The following ENY2 variants were observed in gnomAD, a reference collection of about 807,000 sequenced individuals.
The protein encoded by ENY2 is transcription and mRNA export factor ENY2.
In ENY2, 4 loss-of-function variants were observed where a neutral mutation model predicts 15.9. That is an observed-to-expected ratio of 0.25 (90% CI 0.12 to 0.57). The LOEUF (loss-of-function observed/expected upper bound fraction) is 0.57, where lower values mean the gene tolerates loss of function less well. Ranked by LOEUF, ENY2 falls within the 20% of genes least tolerant of loss-of-function variation. The pLI is 0.91. For synonymous variants in ENY2, 48 were observed against 38.0 expected (o/e 1.26, Z -0.97); for missense variants, 54 against 117.2 (o/e 0.46, Z 2.49).
intron 4 of ENY2, 29 bp downstream of exon 4, chr8:109,340,592 A>G (rs1397587118): frequency 6.2e-7 from 1 of 1,610,468 alleles, no homozygotes; most frequent in Non-Finnish European, 8.5e-7. Flanking sequence ...GTTAAAGGAA[A>G]CATGCTGCAG....
intron 4 of ENY2, 153 bp downstream of exon 4, chr8:109,340,716 A>C: frequency 2.4e-6 from 2 of 827,102 alleles, no homozygotes; most frequent in African/African-American, 1.7e-5. Flanking sequence ...GCCTCCTAGC[A>C]TAGTCTGGGA....
chr8:109,336,356 G>A, intron 2 of ENY2, 152 bp downstream of exon 2: 2 of 707,184 alleles, frequency 2.8e-6, no homozygotes, highest in South Asian at 4.0e-5. Flanking sequence ...AAATAATTTA[G>A]GTTTGTTAAG....
chr8:109,343,644 TAATA>T lies in ENY2; in HGVS notation c.*168_*171del. ...ATTTTTTTCCCTAAATGTGTTATTTTAATAAATATCTCATGAATGAGTTTGAAGT... is the reference window on the plus strand; with the variant it reads ...ATTTTTTTCCCTAAATGTGTTATTTTAATATCTCATGAATGAGTTTGAAGT... On this transcript the variant is annotated 3_prime_UTR_variant, in exon 5 of 5. Transcript: ENST00000521688. 1.9e-6 allele frequency: 1 copy of T among 535,832 alleles called. No homozygotes were observed. Among genetic ancestry groups the T allele is most frequent in the East Asian group, 3.2e-5 (1 of 30,880 alleles). 33.2% of individuals were successfully genotyped at this position (535,832 alleles called of 1,614,324 possible). A position where few individuals can be genotyped will look rare whatever the true frequency, so the allele number is the denominator to read the frequency against.
At chr8:109,336,439 G>A (rs1357192066) in intron 2 of ENY2, 4 of 422,294 alleles carry the variant, frequency 9.5e-6, no homozygotes, top group Admixed American at 4.0e-5. Flanking sequence ...GTAATTTGAT[G>A]GAGAAGAAAA....
At chr8:109,334,666 G>C (rs768984970) in intron 1 of ENY2, 192 bp downstream of exon 1, 13 of 611,250 alleles carry the variant, frequency 2.1e-5, no homozygotes, top group Non-Finnish European at 3.3e-5. Context: ...CGCCTCTCCC[G>C]CTGTCTCCGC....
rs1289985255 is a variant in ENY2, at chr8:109,345,450, A to T, written c.*1969A>T. The T allele has an allele frequency of 1.3e-5, 2 of 152,132 alleles. No individual in the cohort carries two copies. Among genetic ancestry groups the T allele is most frequent in the African/African-American group, 4.8e-5 (2 of 41,436 alleles). The allele number at this position is 152,132 out of a possible 1,614,324, so 9.4% of individuals were successfully genotyped here. ...GATGAATTTAAAGTGTAGTCTTTGA[A>T]CCAGCTGGGCTTAATTATGTAAAGT... On this transcript the variant is annotated 3_prime_UTR_variant, in exon 5 of 5. Coordinates refer to ENST00000521688, the MANE Select transcript of ENY2 (RefSeq NM_020189.6).
Position 109,334,427 on chromosome 8 carries a change from G to T in ENY2, c.-42G>T, listed in dbSNP as rs762174615. The T allele has an allele frequency of 6.2e-7, 1 of 1,613,874 alleles. No homozygotes were observed. The highest frequency in any genetic ancestry group is 8.5e-7 in the Non-Finnish European group (1 of 1,179,934). On this transcript the variant is annotated 5_prime_UTR_variant, in exon 1 of 5. Coordinates refer to ENST00000521688, the MANE Select transcript of ENY2 (RefSeq NM_020189.6). ...GGTAGGTAACGGTCCTCAGCGCAAG[G>T]GTCATTTCGTCGCTGGGAAGGGACG... is the stretch of plus-strand genomic sequence containing the variant.
At chr8:109,334,648 T>C in intron 1 of ENY2, 174 bp downstream of exon 1, 2 of 683,924 alleles carry the variant, frequency 2.9e-6, no homozygotes, top group Non-Finnish European at 4.7e-6. Flanking sequence ...TTCTGGCTCC[T>C]CCTCTCCCGC....
At chr8:109,339,159 G>C (rs1192584073) in intron 2 of ENY2, 161 bp from the exon 3 acceptor site, 3 of 608,446 alleles carry the variant, frequency 4.9e-6, no homozygotes, top group Non-Finnish European at 8.7e-6. Context: ...ACTTGCATGA[G>C]ATCAAAGAAC....
At chr8:109,334,551 G>T (rs1027271105) in intron 1 of ENY2, 77 bp downstream of exon 1, 1 of 1,523,132 alleles carries the variant, frequency 6.6e-7, no homozygotes, top group Non-Finnish European at 8.8e-7. Flanking sequence ...TCTTTCGTTA[G>T]CGTCCCCGAC....
intron 4 of ENY2, chr8:109,340,816 T>C: frequency 2.6e-6 from 1 of 382,282 alleles, no homozygotes; most frequent in Non-Finnish European, 4.7e-6. Context: ...CAAATAATTT[T>C]TAAAATACGG....
chr8:109,339,150 C>G, intron 2 of ENY2, 170 bp from the exon 3 acceptor site: 1 of 589,480 alleles, frequency 1.7e-6, no homozygotes. Flanking sequence ...AATTTAAGTA[C>G]TTGCATGAGA....
At chr8:109,343,124 A>T (rs926542722) in intron 4 of ENY2, among the ~76,000 whole-genome samples, 4 of 152,212 alleles carry the variant, frequency 2.6e-5, no homozygotes. Flanking sequence ...CATCTGTTAT[A>T]GCCTCTGTAT....
intron 4 of ENY2, among the ~76,000 whole-genome samples, chr8:109,341,669 A>G (rs1032939157): frequency 3.3e-5 from 5 of 152,204 alleles, no homozygotes; most frequent in Non-Finnish European, 7.4e-5. Flanking sequence ...ATGAGCAAAT[A>G]AAAGAGAAGT....
Position 109,339,270 on chromosome 8 carries a change from G to A in ENY2, c.84-50G>A, listed in dbSNP as rs773575909. On this transcript the variant is annotated intron_variant, in intron 2 of 4. Transcript: ENST00000521688. ...CTGAAACTTTGCTTCATACATTCCT[G>A]TCTAAGATGTTATACATTGTTCAAT... The A allele has an allele frequency of 3.2e-6, 5 of 1,554,146 alleles. No homozygotes were observed. In the African/African-American group the frequency reaches 4.1e-5, roughly 13 times the overall value.
At position 109,343,980 on chromosome 8, in the gene ENY2, A is replaced by G. The variant is rs1330900695; in HGVS notation, c.*499A>G. 1 of 152,410 alleles carries G rather than the reference A, an allele frequency of 6.6e-6. No individual in the cohort carries two copies. The highest frequency in any genetic ancestry group is 1.9e-4 in the East Asian group (1 of 5,188). The allele number at this position is 152,410 out of a possible 1,614,324, so 9.4% of individuals were successfully genotyped here. A position where few individuals can be genotyped will look rare whatever the true frequency, so the allele number is the denominator to read the frequency against. Reference sequence around the variant, plus strand: ...GCCTTCCTTATGCTTCAAAGAATTTACCATCTAATGGAAGAGAACATTTGC... The same window carrying G: ...GCCTTCCTTATGCTTCAAAGAATTTGCCATCTAATGGAAGAGAACATTTGC... On this transcript the variant is annotated 3_prime_UTR_variant, in exon 5 of 5. Coordinates refer to ENST00000521688, the MANE Select transcript of ENY2 (RefSeq NM_020189.6).
chr8:109,340,299 G>T (rs1443167331), intron 3 of ENY2, 190 bp from the exon 4 acceptor site: 9 of 708,998 alleles, frequency 1.3e-5, no homozygotes, highest in Non-Finnish European at 6.6e-6. Flanking sequence ...TGAGACTTAC[G>T]AACAACTTTT....
At chr8:109,336,107 A>G in intron 1 of ENY2, 21 bp from the exon 2 acceptor site, 1 of 1,611,202 alleles carries the variant, frequency 6.2e-7, no homozygotes, top group Non-Finnish European at 8.5e-7. Context: ...TCTATATCTG[A>G]AAGTACATGT....
intron 2 of ENY2, 41 bp from the exon 3 acceptor site, chr8:109,339,279 G>C: frequency 6.3e-7 from 1 of 1,575,834 alleles, no homozygotes; most frequent in Non-Finnish European, 8.7e-7. Context: ...TGTCTAAGAT[G>C]TTATACATTG....
Sources: allele counts gnomAD v4.1 joint callset (sites outside exome capture counted in the v4.1 genomes callset), GRCh38; gene constraint gnomAD v4.1.1; transcripts MANE v1.5; gene names NCBI Gene and HGNC (gene_info 2026-07-23, HGNC 2026-07-21).